Variants in KCTD8 observed in about 807,000 individuals in gnomAD.
KCTD8 encodes the protein potassium channel tetramerization domain containing 8.
Under a neutral mutation model 31.5 loss-of-function variants are expected in KCTD8, and 27 were observed. The ratio of observed to expected loss-of-function variants is 0.86; its 90% CI spans 0.63 to 1.18. KCTD8 has a LOEUF of 1.18. Among genes scored for constraint, KCTD8 ranks in the 50% most tolerant of loss-of-function variants. KCTD8 has a pLI of 0.00. For synonymous variants in KCTD8, 290 were observed against 280.0 expected, an observed-to-expected ratio of 1.04 and a Z score of -0.36; for missense variants, 658 against 647.7, an observed-to-expected ratio of 1.02 and a Z score of -0.17.
At chr4:44,354,559 T>C (rs1361928752) in intron 1 of KCTD8, among the ~76,000 whole-genome samples, 1 of 152,156 alleles carries the variant, frequency 6.6e-6, no homozygotes, top group Non-Finnish European at 1.5e-5. Context: ...TCTTCCTGGA[T>C]CATTTAATAC....
intron 1 of KCTD8, among the ~76,000 whole-genome samples, chr4:44,322,366 T>A (rs1718318557): frequency 6.6e-6 from 1 of 152,058 alleles, no homozygotes; most frequent in Admixed American, 6.5e-5. Context: ...AGCATTTTTT[T>A]CATACACTAT....
At chr4:44,236,646 A>G (rs989513133) in intron 1 of KCTD8, among the ~76,000 whole-genome samples, 1 of 152,194 alleles carries the variant, frequency 6.6e-6, no homozygotes, top group Non-Finnish European at 1.5e-5. Context: ...TGAAAGGTAC[A>G]TATTGATACA....
At chr4:44,403,972 G>C (rs755946439) in intron 1 of KCTD8, among the ~76,000 whole-genome samples, 1 of 151,260 alleles carries the variant, frequency 6.6e-6, no homozygotes, top group Non-Finnish European at 1.5e-5. Flanking sequence ...AACCACCTTC[G>C]TACTTAATTT....
At chr4:44,264,899 G>A (rs1173152160) in intron 1 of KCTD8, among the ~76,000 whole-genome samples, 2 of 152,208 alleles carry the variant, frequency 1.3e-5, no homozygotes, top group Non-Finnish European at 2.9e-5. Flanking sequence ...AGCTTGAACT[G>A]GGTGGAGCCC....
rs181482247 is a variant in KCTD8 at position 44,181,772 on chromosome 4, T to A, written c.962-6522A>T. 1.4e-3 allele frequency among the ~76,000 whole-genome samples: 205 copies of A among 149,544 alleles called. 3 individuals are homozygous for A. The highest frequency in any genetic ancestry group is 0.012 in the East Asian group (57 of 4,948). Reference sequence around the variant, plus strand: ...AGTCTGGGAAGTGAGGAGAGCCTCTTCCCGGCCGCCATCCCATCTAGGAAG... The same window carrying A: ...AGTCTGGGAAGTGAGGAGAGCCTCTACCCGGCCGCCATCCCATCTAGGAAG... On this transcript the variant is annotated intron_variant, in intron 1 of 1. Coordinates refer to ENST00000360029, the MANE Select transcript of KCTD8 (RefSeq NM_198353.3).
At chr4:44,393,435 G>T (rs1275238124) in intron 1 of KCTD8, among the ~76,000 whole-genome samples, 2 of 147,032 alleles carry the variant, frequency 1.4e-5, no homozygotes, top group African/African-American at 5.0e-5. Context: ...GTTGATGAAG[G>T]GAAAAAAACA....
At chr4:44,221,702 T>A (rs1023858867) in intron 1 of KCTD8, among the ~76,000 whole-genome samples, 1 of 152,110 alleles carries the variant, frequency 6.6e-6, no homozygotes, top group Non-Finnish European at 1.5e-5. Flanking sequence ...GCATCCAGCA[T>A]GGGAGAAAGA....
At chr4:44,262,600 T>C (rs951342298) in intron 1 of KCTD8, among the ~76,000 whole-genome samples, 3 of 152,166 alleles carry the variant, frequency 2.0e-5, no homozygotes, top group African/African-American at 7.2e-5. Flanking sequence ...TTGCCTTTAA[T>C]GAGAAAACCT....
intron 1 of KCTD8, among the ~76,000 whole-genome samples, chr4:44,226,104 A>T (rs1235984181): frequency 1.3e-5 from 2 of 152,118 alleles, no homozygotes; most frequent in Non-Finnish European, 2.9e-5. Context: ...TTGGGATTAC[A>T]GGCGTGAGCC....
intron 1 of KCTD8, among the ~76,000 whole-genome samples, chr4:44,360,011 A>T (rs1402906959): frequency 6.6e-6 from 1 of 152,058 alleles, no homozygotes; most frequent in Non-Finnish European, 1.5e-5. Flanking sequence ...AGTAACAATT[A>T]ACCCCTTCTC....
intron 1 of KCTD8, among the ~76,000 whole-genome samples, chr4:44,202,393 G>A (rs1036657356): frequency 6.6e-6 from 1 of 152,116 alleles, no homozygotes; most frequent in East Asian, 1.9e-4. Context: ...CCCATCAAAC[G>A]GTGGATTAGA....
intron 1 of KCTD8, among the ~76,000 whole-genome samples, chr4:44,392,296 T>TC (rs1720394750): frequency 6.6e-6 from 1 of 151,996 alleles, no homozygotes; most frequent in Non-Finnish European, 1.5e-5. Context: ...CATGACACTC[T>TC]CTCATGTCTT....
intron 1 of KCTD8, among the ~76,000 whole-genome samples, chr4:44,292,184 C>T (rs1159813922): frequency 2.0e-5 from 3 of 152,026 alleles, no homozygotes; most frequent in Non-Finnish European, 4.4e-5. Context: ...GTATGTTAAT[C>T]ACTGCACTAT....
At chr4:44,202,276 A>G (rs1264222776) in intron 1 of KCTD8, among the ~76,000 whole-genome samples, 1 of 152,148 alleles carries the variant, frequency 6.6e-6, no homozygotes, top group Non-Finnish European at 1.5e-5. Context: ...TAAATCTAAA[A>G]GTTCCATTTC....
chr4:44,326,216 A>C (rs1396493568), intron 1 of KCTD8, among the ~76,000 whole-genome samples: 1 of 151,766 alleles, frequency 6.6e-6, no homozygotes, highest in East Asian at 1.9e-4. Context: ...ATTTTTTTCA[A>C]CTTATATTAC....
chr4:44,329,651 G>C (rs1485337685), intron 1 of KCTD8, among the ~76,000 whole-genome samples: 1 of 151,770 alleles, frequency 6.6e-6, no homozygotes, highest in African/African-American at 2.4e-5. Flanking sequence ...AACCAGATTA[G>C]AAACATGAGT....
chr4:44,307,590 C>A (rs541431471), intron 1 of KCTD8, among the ~76,000 whole-genome samples: 1 of 151,886 alleles, frequency 6.6e-6, no homozygotes, highest in Non-Finnish European at 1.5e-5. Flanking sequence ...AAAATGTGAG[C>A]TTTTATTTCT....
chr4:44,198,315 G>A (rs2109338026), intron 1 of KCTD8, among the ~76,000 whole-genome samples: 1 of 152,272 alleles, frequency 6.6e-6, no homozygotes, highest in South Asian at 2.1e-4. Flanking sequence ...ACCCCAGTTA[G>A]ATACTATACA....
chr4:44,180,740 C>T (rs1713357077), intron 1 of KCTD8, among the ~76,000 whole-genome samples: 1 of 152,148 alleles, frequency 6.6e-6, no homozygotes, highest in Non-Finnish European at 1.5e-5. Context: ...GTCAGGTAAC[C>T]TCTCTAATAT....
Sources: allele counts gnomAD v4.1 joint callset (sites outside exome capture counted in the v4.1 genomes callset), GRCh38; gene constraint gnomAD v4.1.1; transcripts MANE v1.5; gene names NCBI Gene and HGNC (gene_info 2026-07-23, HGNC 2026-07-21).